MBTPS1: variants seen among roughly 807,000 people sequenced by gnomAD.
MBTPS1 encodes membrane bound transcription factor peptidase, site 1, also known as membrane-bound transcription factor site-1 protease.
Under a neutral mutation model 127.8 loss-of-function variants are expected in MBTPS1, and 94 were observed. The ratio of observed to expected loss-of-function variants is 0.74; its 90% CI spans 0.62 to 0.87. The LOEUF is 0.87. Among genes scored for constraint, MBTPS1 ranks in the 40% least tolerant of loss-of-function variants. The pLI, the probability that MBTPS1 is intolerant of heterozygous loss-of-function variation, is 0.00. For synonymous variants in MBTPS1, 632 were observed against 509.4 expected, an observed-to-expected ratio of 1.24 and a Z score of -3.24; for missense variants, 1,636 against 1,353.2, an observed-to-expected ratio of 1.21 and a Z score of -3.28.
At chr16:84,115,602 T>C (rs2151177914) in intron 1 of MBTPS1, among the ~76,000 whole-genome samples, 1 of 152,324 alleles carries the variant, frequency 6.6e-6, no homozygotes, top group Non-Finnish European at 1.5e-5. Context: ...TGTGAAAACA[T>C]GCTAAGTGAA....
chr16:84,055,451 T>G (rs916139923), intron 22 of MBTPS1, among the ~76,000 whole-genome samples: 1 of 152,170 alleles, frequency 6.6e-6, no homozygotes, highest in African/African-American at 2.4e-5. Flanking sequence ...CCAATTGCCT[T>G]GGGTAGTGGA....
At chr16:84,090,280 T>C (rs968395500) in intron 8 of MBTPS1, among the ~76,000 whole-genome samples, 1 of 152,224 alleles carries the variant, frequency 6.6e-6, no homozygotes, top group African/African-American at 2.4e-5. Flanking sequence ...TGGGATTCAG[T>C]GGCAAATGTT....
chr16:84,069,754 G>T, intron 14 of MBTPS1, 112 bp downstream of exon 14: 1 of 1,030,678 alleles, frequency 9.7e-7, no homozygotes, highest in Non-Finnish European at 1.4e-6. Context: ...CGTCATCAGA[G>T]TCCAGGCTCC....
chr16:84,105,427 G>A (rs1209855856), intron 1 of MBTPS1, among the ~76,000 whole-genome samples: 1 of 152,150 alleles, frequency 6.6e-6, no homozygotes, highest in Non-Finnish European at 1.5e-5. Context: ...GGCCACAGAT[G>A]CTGAACTGAC....
rs549135477 is a variant in MBTPS1, at chr16:84,054,765, G to A, written c.2963-120C>T. 8.4e-6 allele frequency: 6 copies of A among 713,272 alleles called. No individual in the cohort carries two copies. The African/African-American group carries it at 9.1e-5, about 11-fold the overall frequency. The allele number at this position is 713,272 out of a possible 1,614,324, so 44.2% of individuals were successfully genotyped here. ...CGAGCTAATTTCACTAGCTGGGCTTGCAGGGCATACATCATTTTTAAGCCT... is the reference window on the plus strand; with the variant it reads ...CGAGCTAATTTCACTAGCTGGGCTTACAGGGCATACATCATTTTTAAGCCT... On this transcript the variant is annotated intron_variant, in intron 22 of 22. Transcript: ENST00000343411.
intron 1 of MBTPS1, among the ~76,000 whole-genome samples, chr16:84,115,988 T>A (rs1218378313): frequency 1.3e-5 from 2 of 151,908 alleles, no homozygotes; most frequent in African/African-American, 2.4e-5. Flanking sequence ...CTGCAAGCCC[T>A]CCTTTTCGTA....
chr16:84,063,248 A>G, intron 19 of MBTPS1, 57 bp downstream of exon 19: 1 of 1,575,412 alleles, frequency 6.3e-7, no homozygotes, highest in Non-Finnish European at 8.7e-7. Flanking sequence ...TTCCAGAGAC[A>G]AAGGGAAGAA....
In MBTPS1 at chr16:84,085,070, C is replaced by T. The variant is rs2086000659; in HGVS notation, c.1199G>A (p.Gly400Asp). ...CCGGCACCCCCCTTTCACGCCAGAA[C>T]CCCGCACGCCAGCACCATAGGTGAC... is the stretch of plus-strand genomic sequence containing the variant. The part of the protein sequence containing the change: ...DIVTYGAGVR[G>D]SGVKGGCRAL... Residue 400 changes from glycine (G) to aspartate (D), a missense_variant, in exon 10 of 23, where the codon GGT becomes GAT. Physicochemically the swap from Gly to Asp is moderately conservative, Grantham distance 94. Coordinates refer to ENST00000343411, the MANE Select transcript of MBTPS1 (RefSeq NM_003791.4). 1 of 1,614,048 alleles carries T rather than the reference C, an allele frequency of 6.2e-7. No individual in the cohort carries two copies. The highest frequency in any genetic ancestry group is 1.3e-5 in the African/African-American group (1 of 74,906).
chr16:84,080,945 T>A (rs973016012), intron 11 of MBTPS1, among the ~76,000 whole-genome samples: 4 of 151,958 alleles, frequency 2.6e-5, no homozygotes, highest in Non-Finnish European at 5.9e-5. Flanking sequence ...ATACCCCCAA[T>A]AACAAGATGA....
At chr16:84,111,949 C>G (rs1330768002) in intron 1 of MBTPS1, among the ~76,000 whole-genome samples, 1 of 151,826 alleles carries the variant, frequency 6.6e-6, no homozygotes, top group Non-Finnish European at 1.5e-5. Context: ...TCCTGTAATC[C>G]CAGCACTTTG....
At chr16:84,089,352 A>G (rs1019729907) in intron 8 of MBTPS1, among the ~76,000 whole-genome samples, 1 of 152,244 alleles carries the variant, frequency 6.6e-6, no homozygotes, top group Non-Finnish European at 1.5e-5. Flanking sequence ...TTCACACAAT[A>G]ACGCCTAAAA....
intron 13 of MBTPS1, 62 bp from the exon 14 acceptor site, chr16:84,070,100 G>GA: frequency 7.4e-7 from 1 of 1,347,464 alleles, no homozygotes; most frequent in Non-Finnish European, 1.0e-6. Flanking sequence ...TTTCAGGTTT[G>GA]AAAACATCAT....
Position 84,103,258 on chromosome 16 carries a change from T to A in MBTPS1, c.-324-1151A>T, listed in dbSNP as rs1021429899. Among the ~76,000 whole-genome samples the A allele has an allele frequency of 8.9e-5, 13 of 145,892 alleles. No homozygotes were observed. The East Asian group carries it at 9.9e-4, about 11-fold the overall frequency. Reference sequence around the variant, plus strand: ...CTTAGGATTTTATTATTATTATTATTTTTTTTTTTTTTTTGAGGAAGGGTC... The same window carrying A: ...CTTAGGATTTTATTATTATTATTATATTTTTTTTTTTTTTGAGGAAGGGTC... On this transcript the variant is annotated intron_variant, in intron 1 of 22. Coordinates refer to ENST00000343411, the MANE Select transcript of MBTPS1 (RefSeq NM_003791.4).
chr16:84,102,827 T>A (rs942176149), intron 1 of MBTPS1, among the ~76,000 whole-genome samples: 12 of 152,238 alleles, frequency 7.9e-5, no homozygotes, highest in African/African-American at 2.9e-4. Flanking sequence ...ATTACATAGT[T>A]TGAAATATTT....
At chr16:84,090,663 G>A (rs78072684) in intron 8 of MBTPS1, among the ~76,000 whole-genome samples, 1,567 of 152,204 alleles carry the variant, frequency 0.01, 25 homozygotes, top group African/African-American at 0.035. Flanking sequence ...AAGGAAGACC[G>A]GCCTTGAGGT....
chr16:84,096,494 T>C (rs918521425), intron 3 of MBTPS1, among the ~76,000 whole-genome samples: 4 of 152,218 alleles, frequency 2.6e-5, no homozygotes, highest in African/African-American at 7.2e-5. Flanking sequence ...TCTCTTTATT[T>C]TTAAAAAGCG....
intron 10 of MBTPS1, 116 bp downstream of exon 10, chr16:84,084,867 G>A: frequency 9.6e-7 from 1 of 1,040,124 alleles, no homozygotes; most frequent in Non-Finnish European, 1.4e-6. Context: ...GGCTGTGAAG[G>A]GCCTAAGCTC....
chr16:84,061,549 A>C (rs960729678), intron 19 of MBTPS1: 1 of 152,194 alleles, frequency 6.6e-6, no homozygotes, highest in African/African-American at 2.4e-5. Context: ...TGCATCCCAG[A>C]GGCTCTCCTG....
chr16:84,099,072 A>T lies in MBTPS1; in HGVS notation c.402T>A (p.Arg134=). 1.9e-6 allele frequency: 3 copies of T among 1,614,148 alleles called. No individual in the cohort carries two copies. In the South Asian group the frequency reaches 3.3e-5, roughly 18 times the overall value. ...KRVTPQRKVF[R]SLKYAESDPT... Reference sequence around the variant, plus strand: ...ACTCACATTCAGCATACTTGAGGGAACGAAAGACTTTTCGTTGGGGCGTGA... The same window carrying T: ...ACTCACATTCAGCATACTTGAGGGATCGAAAGACTTTTCGTTGGGGCGTGA... Residue 134 remains arginine, a synonymous_variant, in exon 3 of 23, where the codon CGT becomes CGA. Transcript: ENST00000343411.
Sources: allele counts gnomAD v4.1 joint callset (sites outside exome capture counted in the v4.1 genomes callset), GRCh38; gene constraint gnomAD v4.1.1; transcripts MANE v1.5; gene names NCBI Gene and HGNC (gene_info 2026-07-23, HGNC 2026-07-21).